The following RUSC1 variants were observed in gnomAD, a reference collection of about 807,000 sequenced individuals.
The protein encoded by RUSC1 is RUN and SH3 domain containing 1.
In RUSC1, 40 loss-of-function variants were observed where a neutral mutation model predicts 72.1. The observed-to-expected ratio is 0.55, with a 90% CI of 0.43 to 0.72. The LOEUF (loss-of-function observed/expected upper bound fraction) is 0.72. Ranked by LOEUF, RUSC1 falls within the 30% of genes least tolerant of loss-of-function variation. The probability of loss-of-function intolerance (pLI) is 0.00; values close to 1 mark genes in which losing one functional copy is unlikely to be tolerated. For missense variants in RUSC1, 1,092 were observed against 1,172.3 expected (o/e 0.93, Z 1.00); for synonymous variants, 512 against 494.2 (o/e 1.04, Z -0.48).
At chr1:155,328,994 A>C (rs1001299987) in intron 9 of RUSC1, among the ~76,000 whole-genome samples, 2 of 152,090 alleles carry the variant, frequency 1.3e-5, no homozygotes, top group Non-Finnish European at 2.9e-5. Context: ...CAGCCTCCCA[A>C]AGTATTGGGA....
intron 9 of RUSC1, among the ~76,000 whole-genome samples, chr1:155,330,117 G>A (rs570806552): frequency 1.8e-4 from 28 of 152,266 alleles, no homozygotes; most frequent in African/African-American, 6.0e-4. Context: ...GACACGAGGA[G>A]GAACTGGTTT....
intron 2 of RUSC1, chr1:155,323,809 C>A: frequency 1.7e-6 from 1 of 593,758 alleles, no homozygotes; most frequent in African/African-American, 2.0e-5. Flanking sequence ...TCCGCCCAGG[C>A]TACGTAAGAC....
rs1651363543 is a variant in RUSC1 at position 155,326,040 on chromosome 1, A to G, written c.1861+130A>G. The stretch of plus-strand genomic sequence containing the variant: ...AGATCTCCGATCTTATTACTCTTCT[A>G]ATTAAAACTTTCTAAGGAGGCCCAT... On this transcript the variant is annotated intron_variant, in intron 7 of 9. Transcript: ENST00000368352. This position sits in a 1 kb window ranked among gnomAD's most constrained non-coding sequence, Gnocchi z 4.7. 9.6e-7 allele frequency: 1 copy of G among 1,041,464 alleles called. No homozygotes were observed. The highest frequency in any genetic ancestry group is 1.5e-6 in the Non-Finnish European group (1 of 682,396). The allele number at this position is 1,041,464 out of a possible 1,614,324, so 64.5% of individuals were successfully genotyped here.
chr1:155,329,391 A>G (rs1265191948), intron 9 of RUSC1, among the ~76,000 whole-genome samples: 1 of 126,976 alleles, frequency 7.9e-6, no homozygotes, highest in Non-Finnish European at 1.6e-5. Context: ...TGGCTACTAA[A>G]CTTTTTTTTT....
At chr1:155,324,465 G>A (rs757095481) in intron 2 of RUSC1, 2 of 1,611,548 alleles carry the variant, frequency 1.2e-6, no homozygotes, top group Non-Finnish European at 1.7e-6. Flanking sequence ...ACTGGGCCCC[G>A]GGGCGGTGCG....
In RUSC1 at chr1:155,330,977, C is replaced by T. The variant is rs894652648; in HGVS notation, c.*406C>T. ...CTGTGTGGAATCTTCCCCACTCCAT[C>T]CCTCCCAAGTTGCCTGTATTGATAA... On this transcript the variant is annotated 3_prime_UTR_variant, in exon 10 of 10. Coordinates refer to ENST00000368352, the MANE Select transcript of RUSC1 (RefSeq NM_001105203.2). The T allele has an allele frequency of 1.8e-5, 3 of 167,458 alleles. No homozygotes were observed. The highest frequency in any genetic ancestry group is 7.2e-5 in the African/African-American group (3 of 41,566). 10.4% of individuals were successfully genotyped at this position (167,458 alleles called of 1,614,324 possible). A position where few individuals can be genotyped will look rare whatever the true frequency, so the allele number is the denominator to read the frequency against.
intron 9 of RUSC1, 91 bp downstream of exon 9, chr1:155,328,366 A>G: frequency 7.4e-7 from 1 of 1,344,660 alleles, no homozygotes; most frequent in Non-Finnish European, 9.9e-7. Flanking sequence ...CTGGGCTTTA[A>G]AATAAGACCG....
At chr1:155,329,169 C>CT (rs1233646677) in intron 9 of RUSC1, among the ~76,000 whole-genome samples, 5 of 151,134 alleles carry the variant, frequency 3.3e-5, no homozygotes, top group East Asian at 3.9e-4. Flanking sequence ...TCACTGCAAC[C>CT]ACGCCTCCTG....
chr1:155,321,047 GGCAGGACAAGGGA>G, intron 1 of RUSC1, 56 bp downstream of exon 1: 1 of 1,455,712 alleles, frequency 6.9e-7, no homozygotes, highest in Admixed American at 1.8e-5. Context: ...CGAGGGGCGG[GGCAGGACAAGGGA>G]GCAGGAGAAA....
intron 2 of RUSC1, chr1:155,323,998 G>A: frequency 9.7e-7 from 1 of 1,025,948 alleles, no homozygotes; most frequent in South Asian, 3.5e-5. Context: ...TGCTGGAGGG[G>A]GAAGTTGTTG....
rs1428988257 is a variant in RUSC1, at chr1:155,326,627, C to T, written c.1909C>T (p.Arg637Cys). ...GCCAACAGGATTTTTCTCCCTGGCC[C>T]GCGGTGGTTGTCCCTCCCTGTCCAC... ...YLPTGFFSLA[R>C]GGCPSLSTEL... The change falls in exon 8 of 10, where the codon CGC becomes TGC. Residue 637 changes from arginine (R) to cysteine (C), a missense_variant. Transcript: ENST00000368352. This position sits in a 1 kb window ranked among gnomAD's most constrained non-coding sequence, Gnocchi z 4.7. The T allele has an allele frequency of 3.7e-6, 6 of 1,613,852 alleles. No individual in the cohort carries two copies. The highest frequency in any genetic ancestry group is 2.2e-5 in the East Asian group (1 of 44,896).
chr1:155,330,022 ATGGAT>A lies in RUSC1; in HGVS notation c.2541-375_2541-371del, dbSNP rs963718855. Among the ~76,000 whole-genome samples the A allele has an allele frequency of 8.0e-5, 12 of 149,768 alleles. No homozygotes were observed. In the East Asian group the frequency reaches 1.4e-3, roughly 17 times the overall value. On this transcript the variant is annotated intron_variant, in intron 9 of 9. Coordinates refer to ENST00000368352, the MANE Select transcript of RUSC1 (RefSeq NM_001105203.2). ...TCCAAACACCAAACAGGTTTTGGTG[ATGGAT>A]TGGATGTATGGAGTGAGATGCCCAG...
rs1651486557 is a variant in RUSC1 at position 155,326,986 on chromosome 1, G to A, written c.2268G>A (p.Gly756=). The A allele has an allele frequency of 6.2e-7, 1 of 1,613,676 alleles. No individual in the cohort carries two copies. The highest frequency in any genetic ancestry group is 1.3e-5 in the African/African-American group (1 of 75,070). ...EGFPLSRWAP[G]RHGTAAEEGA... ...TTCCTCTTTCCCGATGGGCACCGGG[G>A]CGTCATGGGACTGCAGCTGAAGAAG... Residue 756 remains glycine, a synonymous_variant, in exon 8 of 10, where the codon GGG becomes GGA. Coordinates refer to ENST00000368352, the MANE Select transcript of RUSC1 (RefSeq NM_001105203.2). The surrounding 1 kb of genome is among the most constrained non-coding windows in gnomAD (Gnocchi z 4.7).
In RUSC1 at chr1:155,322,179, C is replaced by A; in HGVS notation, c.406C>A (p.Pro136Thr). 6.2e-7 allele frequency: 1 copy of A among 1,605,516 alleles called. No individual in the cohort carries two copies. Among genetic ancestry groups the A allele is most frequent in the East Asian group, 2.2e-5 (1 of 44,748 alleles). ...LPGDEDAHPQ[P>T]SIIPLEQGSP... ...TGGTGATGAGGATGCCCACCCTCAG[C>A]CCAGTATCATCCCCCTGGAGCAGGG... The change falls in exon 2 of 10, where the codon CCC becomes ACC. Residue 136 changes from proline to threonine, a missense_variant. Pro to Thr is a conservative substitution (Grantham distance 38). Coordinates refer to ENST00000368352, the MANE Select transcript of RUSC1 (RefSeq NM_001105203.2).
chr1:155,326,345 C>G lies in RUSC1; in HGVS notation c.1862-235C>G. ...GCTCTCCTGTCCTCCTCCTCTGTAG[C>G]CTTTGCACTGTCTCTGTTACTTGTC... is the stretch of plus-strand genomic sequence containing the variant. On this transcript the variant is annotated intron_variant, in intron 7 of 9. Transcript: ENST00000368352. This position sits in a 1 kb window ranked among gnomAD's most constrained non-coding sequence, Gnocchi z 4.7. 1 of 583,576 alleles carries G rather than the reference C, an allele frequency of 1.7e-6. No homozygotes were observed. Among genetic ancestry groups the G allele is most frequent in the Non-Finnish European group, 3.0e-6 (1 of 329,018 alleles). 36.1% of individuals were successfully genotyped at this position (583,576 alleles called of 1,614,324 possible). A position where few individuals can be genotyped will look rare whatever the true frequency, so the allele number is the denominator to read the frequency against.
At chr1:155,324,770 C>T in intron 2 of RUSC1, 75 bp from the exon 3 acceptor site, 1 of 1,609,494 alleles carries the variant, frequency 6.2e-7, no homozygotes, top group Non-Finnish European at 8.5e-7. Flanking sequence ...CCGCCGGAGA[C>T]AACTTGTGCG....
Position 155,321,986 on chromosome 1 carries a change from C to T in RUSC1, c.213C>T (p.Cys71=), listed in dbSNP as rs41264941. ...DANSNSPAVP[C]RCCQEHGPGL... is the part of the protein sequence containing the mutation. ...ATTCCAACAGCCCAGCTGTGCCCTG[C>T]CGGTGCTGCCAGGAGCACGGTCCGG... Residue 71 remains cysteine, a synonymous_variant, in exon 2 of 10, where the codon TGC becomes TGT. Transcript: ENST00000368352. The T allele has an allele frequency of 3.0e-4, 487 of 1,599,180 alleles. 1 individual carries two copies. In the Middle Eastern group the frequency reaches 5.0e-3, roughly 16 times the overall value.
chr1:155,324,294 C>T, intron 2 of RUSC1: 2 of 1,556,420 alleles, frequency 1.3e-6, no homozygotes, highest in Non-Finnish European at 1.7e-6. Context: ...GAAGAGGGCA[C>T]CCTCCGCCAA....
Position 155,325,173 on chromosome 1 carries a change from CAGA to C in RUSC1, c.1531_1533del (p.Lys511del). 6.2e-7 allele frequency: 1 copy of C among 1,614,162 alleles called. No homozygotes were observed. The highest frequency in any genetic ancestry group is 8.5e-7 in the Non-Finnish European group (1 of 1,180,034). On this transcript the variant is annotated inframe_deletion and splice_region_variant, in exon 4 of 10. Coordinates refer to ENST00000368352, the MANE Select transcript of RUSC1 (RefSeq NM_001105203.2). This position sits in a 1 kb window ranked among gnomAD's most constrained non-coding sequence, Gnocchi z 6.5. ...TTTCGGGGCCGCCCGGAACTTGGTG[CAGA>C]AGGTGAAGGTGGCTGGGGGGAGGCT...
Sources: allele counts gnomAD v4.1 joint callset (sites outside exome capture counted in the v4.1 genomes callset), GRCh38; gene constraint gnomAD v4.1.1; non-coding constraint Gnocchi (gnomAD v3.1); transcripts MANE v1.5; gene names NCBI Gene and HGNC (gene_info 2026-07-23, HGNC 2026-07-21).